Variants in ATXN7L1 observed in about 807,000 individuals in gnomAD.
ATXN7L1 encodes the protein ataxin 7 like 1, also known as ataxin-7-like protein 1.
In ATXN7L1, 15 loss-of-function variants were observed where a neutral mutation model predicts 70.8. That is an observed-to-expected ratio of 0.21 (90% CI 0.14 to 0.33). The LOEUF (loss-of-function observed/expected upper bound fraction) is 0.33, where lower values mean the gene tolerates loss of function less well. Ranked by LOEUF, ATXN7L1 falls within the 10% of genes least tolerant of loss-of-function variation. The probability of loss-of-function intolerance (pLI) is 1.00; values close to 1 mark genes in which losing one functional copy is unlikely to be tolerated. For missense variants in ATXN7L1, 975 were observed against 1,097.1 expected (o/e 0.89, Z 1.57); for synonymous variants, 440 against 445.1 (o/e 0.99, Z 0.14).
At chr7:105,792,475 G>A (rs1805392931) in intron 2 of ATXN7L1, among the ~76,000 whole-genome samples, 2 of 152,216 alleles carry the variant, frequency 1.3e-5, no homozygotes, top group African/African-American at 4.8e-5. Flanking sequence ...AGCAATGCGG[G>A]CTGGGGGACA....
At chr7:105,656,636 T>C (rs1234664492) in intron 4 of ATXN7L1, among the ~76,000 whole-genome samples, 1 of 151,504 alleles carries the variant, frequency 6.6e-6, no homozygotes, top group Admixed American at 6.6e-5. Context: ...AGTGGTGTGA[T>C]CTTGGCTCAC....
chr7:105,764,564 T>A (rs1800994757), intron 3 of ATXN7L1, among the ~76,000 whole-genome samples: 1 of 152,186 alleles, frequency 6.6e-6, no homozygotes, highest in Admixed American at 6.5e-5. Flanking sequence ...TCTAAATCAT[T>A]CATTCAGTCA....
At chr7:105,853,035 T>C (rs1815112676) in intron 2 of ATXN7L1, among the ~76,000 whole-genome samples, 1 of 151,858 alleles carries the variant, frequency 6.6e-6, no homozygotes, top group African/African-American at 2.4e-5. Flanking sequence ...GAAAGTAGAA[T>C]AGAGAACGTA....
intron 3 of ATXN7L1, among the ~76,000 whole-genome samples, chr7:105,739,654 A>C (rs772833709): frequency 3.3e-5 from 5 of 152,222 alleles, no homozygotes; most frequent in Non-Finnish European, 7.3e-5. Flanking sequence ...CAAATGAAGA[A>C]AGTAGATTAG....
chr7:105,673,746 C>T (rs1024378223), intron 3 of ATXN7L1, among the ~76,000 whole-genome samples: 2 of 152,196 alleles, frequency 1.3e-5, no homozygotes, highest in Admixed American at 6.5e-5. Flanking sequence ...GGTAACGATT[C>T]CCCCCAGCTG....
At chr7:105,755,858 A>T (rs1799738565) in intron 3 of ATXN7L1, among the ~76,000 whole-genome samples, 1 of 152,176 alleles carries the variant, frequency 6.6e-6, no homozygotes, top group African/African-American at 2.4e-5. Context: ...CTGCGTTGGG[A>T]GGGATGGGAA....
intron 3 of ATXN7L1, among the ~76,000 whole-genome samples, chr7:105,674,065 C>T (rs75430196): frequency 1.3e-5 from 2 of 152,158 alleles, no homozygotes; most frequent in Non-Finnish European, 2.9e-5. Flanking sequence ...GACTGCAGTA[C>T]CTCTTTAAAA....
At chr7:105,843,395 G>A (rs981380932) in intron 2 of ATXN7L1, among the ~76,000 whole-genome samples, 2 of 152,228 alleles carry the variant, frequency 1.3e-5, no homozygotes, top group Non-Finnish European at 2.9e-5. Context: ...GAAAAGCCGG[G>A]GCATTAAGGA....
Position 105,830,179 on chromosome 7 carries a change from C to T in ATXN7L1, c.251-41471G>A, listed in dbSNP as rs113507574. ...TCCAGAAATGACCTGGGGGTCTGTC[C>T]CTATAACTGGAGCCTCTATGGCAGA... On this transcript the variant is annotated intron_variant, in intron 2 of 11. Transcript: ENST00000419735. Among the ~76,000 whole-genome samples, 1,075 of 152,288 alleles carry T rather than the reference C, an allele frequency of 7.1e-3. 7 individuals carry two copies. The highest frequency in any genetic ancestry group is 0.011 in the Non-Finnish European group (758 of 68,014).
chr7:105,846,180 G>A (rs1185933991), intron 2 of ATXN7L1, among the ~76,000 whole-genome samples: 1 of 151,934 alleles, frequency 6.6e-6, no homozygotes, highest in Non-Finnish European at 1.5e-5. Context: ...TACATATCCA[G>A]AATAAATAAA....
At chr7:105,830,062 C>A (rs2116584499) in intron 2 of ATXN7L1, among the ~76,000 whole-genome samples, 1 of 152,252 alleles carries the variant, frequency 6.6e-6, no homozygotes, top group East Asian at 1.9e-4. Context: ...TTACCCCATC[C>A]CCCGACAGCC....
At chr7:105,873,923 A>G (rs749459006) in intron 2 of ATXN7L1, among the ~76,000 whole-genome samples, 4 of 152,036 alleles carry the variant, frequency 2.6e-5, no homozygotes, top group Non-Finnish European at 4.4e-5. Context: ...TCAAGAGATC[A>G]AGACCATCCT....
chr7:105,854,858 A>T (rs1815476175), intron 2 of ATXN7L1, among the ~76,000 whole-genome samples: 1 of 152,230 alleles, frequency 6.6e-6, no homozygotes, highest in South Asian at 2.1e-4. Context: ...ATAAGCTTAC[A>T]ATTGAATATA....
intron 3 of ATXN7L1, chr7:105,761,356 G>A (rs776035500): frequency 6.8e-6 from 11 of 1,613,688 alleles, no homozygotes; most frequent in Middle Eastern, 1.7e-4. Context: ...GAAGTTGTAC[G>A]TCTCTTCTGC....
intron 3 of ATXN7L1, among the ~76,000 whole-genome samples, chr7:105,712,813 C>T (rs918365445): frequency 6.6e-6 from 1 of 152,200 alleles, no homozygotes; most frequent in Admixed American, 6.5e-5. Flanking sequence ...CTGAGCCCTC[C>T]AAACTGTTCC....
intron 3 of ATXN7L1, among the ~76,000 whole-genome samples, chr7:105,750,657 G>A (rs2116385221): frequency 6.6e-6 from 1 of 152,218 alleles, no homozygotes; most frequent in East Asian, 1.9e-4. Context: ...ACAAAAATTA[G>A]CTGGCCATGG....
intron 4 of ATXN7L1, among the ~76,000 whole-genome samples, chr7:105,652,239 C>G (rs6957864): frequency 0.097 from 14,810 of 152,128 alleles, 855 homozygotes; most frequent in African/African-American, 0.17. Context: ...AGTCCAGGAG[C>G]GTTTTAAGGA....
At chr7:105,715,640 G>C (rs1794448534) in intron 3 of ATXN7L1, among the ~76,000 whole-genome samples, 1 of 152,224 alleles carries the variant, frequency 6.6e-6, no homozygotes, top group African/African-American at 2.4e-5. Context: ...CTGTGGGTAG[G>C]GGTGCTCACT....
chr7:105,733,625 T>TCCAC (rs1796928540), intron 3 of ATXN7L1, among the ~76,000 whole-genome samples: 1 of 110,786 alleles, frequency 9.0e-6, no homozygotes, highest in African/African-American at 3.7e-5. Context: ...CATCCATCCA[T>TCCAC]CCATCCACCC....
Sources: gnomAD v4.1 joint callset for allele counts (sites outside exome capture counted in the v4.1 genomes callset) on GRCh38, gnomAD v4.1.1 for gene constraint, MANE v1.5 for transcripts, NCBI Gene and HGNC (gene_info 2026-07-23, HGNC 2026-07-21) for gene names.